Variants in IQCM observed in about 807,000 individuals in gnomAD.
The protein encoded by IQCM is IQ motif containing M.
Under a neutral mutation model 57.6 loss-of-function variants are expected in IQCM, and 45 were observed. The observed-to-expected ratio is 0.78, with a 90% CI of 0.62 to 1.00. The LOEUF (loss-of-function observed/expected upper bound fraction) is 1.00. IQCM is among the 50% of genes least tolerant of loss of function. The pLI, the probability that IQCM is intolerant of heterozygous loss-of-function variation, is 0.00. For synonymous variants in IQCM, 148 were observed against 158.9 expected, an observed-to-expected ratio of 0.93 and a Z score of 0.51; for missense variants, 468 against 511.6, an observed-to-expected ratio of 0.91 and a Z score of 0.82.
chr4:149,537,853 A>T (rs1428576487), intron 12 of IQCM, among the ~76,000 whole-genome samples: 3 of 151,880 alleles, frequency 2.0e-5, no homozygotes, highest in Non-Finnish European at 4.4e-5. Flanking sequence ...GCAACCAAGA[A>T]TTCTATATCC....
At chr4:149,641,722 A>G (rs1010913088) in intron 7 of IQCM, among the ~76,000 whole-genome samples, 3 of 152,144 alleles carry the variant, frequency 2.0e-5, no homozygotes, top group African/African-American at 7.2e-5. Flanking sequence ...CCTTATTTCC[A>G]TGGTTTGGTT....
At chr4:149,739,466 AAT>A (rs147858528) in intron 3 of IQCM, among the ~76,000 whole-genome samples, 35,962 of 99,482 alleles carry the variant, frequency 0.36, 6,421 homozygotes, top group East Asian at 0.59. Context: ...GTGTTTATAT[AAT>A]TTTTTTTTTT....
intron 9 of IQCM, among the ~76,000 whole-genome samples, chr4:149,578,785 T>A (rs987496322): frequency 6.6e-6 from 1 of 151,884 alleles, no homozygotes; most frequent in Non-Finnish European, 1.5e-5. Context: ...TATCAGGGAC[T>A]ACCATTTCCA....
At chr4:149,520,792 C>T (rs1258617033) in intron 12 of IQCM, among the ~76,000 whole-genome samples, 2 of 152,108 alleles carry the variant, frequency 1.3e-5, no homozygotes, top group African/African-American at 4.8e-5. Context: ...GTTAGAGTCT[C>T]CAGAAGATAT....
chr4:149,700,573 A>G (rs1181104295), intron 5 of IQCM, among the ~76,000 whole-genome samples: 1 of 152,154 alleles, frequency 6.6e-6, no homozygotes, highest in Non-Finnish European at 1.5e-5. Flanking sequence ...TTTCAGGACA[A>G]GGATTTTTGA....
At chr4:149,573,937 T>C (rs955524917) in intron 9 of IQCM, among the ~76,000 whole-genome samples, 5 of 151,944 alleles carry the variant, frequency 3.3e-5, no homozygotes, top group South Asian at 2.1e-4. Context: ...AACAGAAACG[T>C]TGGTATTGAC....
At chr4:149,669,657 G>T (rs1428488045) in intron 7 of IQCM, among the ~76,000 whole-genome samples, 1 of 152,118 alleles carries the variant, frequency 6.6e-6, no homozygotes, top group Non-Finnish European at 1.5e-5. Flanking sequence ...TTTTGTATAA[G>T]GTGTAAGGAA....
At chr4:149,576,499 G>T (rs546812517) in intron 9 of IQCM, among the ~76,000 whole-genome samples, 5 of 151,958 alleles carry the variant, frequency 3.3e-5, no homozygotes, top group African/African-American at 1.2e-4. Context: ...AGTGGTATTT[G>T]GTTTTTTGTT....
At chr4:149,721,026 A>T (rs187918126) in intron 5 of IQCM, among the ~76,000 whole-genome samples, 7 of 152,310 alleles carry the variant, frequency 4.6e-5, no homozygotes, top group Non-Finnish European at 8.8e-5. Flanking sequence ...AAAACATTTT[A>T]GCATGTTTGC....
chr4:149,667,306 C>T (rs998577843), intron 7 of IQCM, among the ~76,000 whole-genome samples: 1 of 152,144 alleles, frequency 6.6e-6, no homozygotes, highest in Admixed American at 6.5e-5. Flanking sequence ...AGTGGACCTC[C>T]AGCAAACTCC....
chr4:149,496,506 A>G (rs1176621339), intron 12 of IQCM, among the ~76,000 whole-genome samples: 4 of 152,082 alleles, frequency 2.6e-5, no homozygotes, highest in Non-Finnish European at 5.9e-5. Flanking sequence ...AGAGGAAAAG[A>G]TGAAAGCAGA....
intron 12 of IQCM, among the ~76,000 whole-genome samples, chr4:149,436,991 G>A (rs1220724930): frequency 6.6e-6 from 1 of 152,004 alleles, no homozygotes; most frequent in East Asian, 1.9e-4. Context: ...AATCCTATGA[G>A]GTCAATATTA....
intron 5 of IQCM, among the ~76,000 whole-genome samples, chr4:149,687,903 T>C (rs1012327059): frequency 6.6e-6 from 1 of 152,020 alleles, no homozygotes; most frequent in African/African-American, 2.4e-5. Flanking sequence ...CCAGCACCGC[T>C]TTATGATTAA....
At chr4:149,746,601 T>C (rs1414266892) in intron 2 of IQCM, among the ~76,000 whole-genome samples, 1 of 152,172 alleles carries the variant, frequency 6.6e-6, no homozygotes, top group Non-Finnish European at 1.5e-5. Context: ...TGAGTATATA[T>C]GGGTGATAAG....
chr4:149,486,152 A>G (rs1035400416), intron 12 of IQCM, among the ~76,000 whole-genome samples: 6 of 151,930 alleles, frequency 3.9e-5, no homozygotes, highest in Non-Finnish European at 8.8e-5. Context: ...GTGCTGAGTC[A>G]GACCTGAAGC....
chr4:149,766,908 T>C (rs888078661), intron 2 of IQCM, among the ~76,000 whole-genome samples: 1 of 152,132 alleles, frequency 6.6e-6, no homozygotes. Context: ...CTACTGCTAC[T>C]CTTTTCACAT....
At chr4:149,472,650 G>A (rs1739703822) in intron 12 of IQCM, among the ~76,000 whole-genome samples, 1 of 152,136 alleles carries the variant, frequency 6.6e-6, no homozygotes, top group Non-Finnish European at 1.5e-5. Flanking sequence ...CCAAAAAAGA[G>A]CCCGCATTGC....
chr4:149,687,615 C>G (rs1579998801), intron 5 of IQCM, among the ~76,000 whole-genome samples: 2 of 151,644 alleles, frequency 1.3e-5, no homozygotes, highest in Middle Eastern at 6.8e-3. Flanking sequence ...CCAGCATCAC[C>G]CTACTAACAA....
chr4:149,693,003 CA>C (rs1408209660), intron 5 of IQCM, among the ~76,000 whole-genome samples: 1 of 152,098 alleles, frequency 6.6e-6, no homozygotes, highest in Non-Finnish European at 1.5e-5. Context: ...TATGAGCTGA[CA>C]GGCAAAAAAG....
Sources: allele counts gnomAD v4.1 joint callset (sites outside exome capture counted in the v4.1 genomes callset), GRCh38; gene constraint gnomAD v4.1.1; transcripts MANE v1.5; gene names NCBI Gene and HGNC (gene_info 2026-07-23, HGNC 2026-07-21).